Variants in C19orf47 observed in about 807,000 individuals in gnomAD.
C19orf47 encodes uncharacterized protein C19orf47.
In C19orf47, 18 loss-of-function variants were observed where a neutral mutation model predicts 32.3. That is an observed-to-expected ratio of 0.56 (90% CI 0.39 to 0.83). C19orf47 has a LOEUF of 0.83. C19orf47 is among the 40% of genes least tolerant of loss of function. The pLI, the probability that C19orf47 is intolerant of heterozygous loss-of-function variation, is 0.00. For missense variants in C19orf47, 484 were observed against 531.6 expected, an observed-to-expected ratio of 0.91 and a Z score of 0.88; for synonymous variants, 202 against 211.1, an observed-to-expected ratio of 0.96 and a Z score of 0.37.
Position 40,348,396 on chromosome 19 carries a change from T to C in C19orf47, c.-106A>G. The C allele has an allele frequency of 7.3e-7, 1 of 1,365,038 alleles. No homozygotes were observed. The highest frequency in any genetic ancestry group is 1.6e-5 in the African/African-American group (1 of 62,744). The allele number at this position is 1,365,038 out of a possible 1,614,324, so 84.6% of individuals were successfully genotyped here. On this transcript the variant is annotated 5_prime_UTR_variant, in exon 1 of 9. Transcript: ENST00000683109. ...GGCGGCGCCAACTGTCAGACACTCC[T>C]CCCCCGGCCCGGGCTGCCCGCCCCG...
chr19:40,327,562 C>T (rs1242991010), intron 6 of C19orf47, among the ~76,000 whole-genome samples: 3 of 152,054 alleles, frequency 2.0e-5, no homozygotes, highest in Non-Finnish European at 2.9e-5. Flanking sequence ...GTGGACGGGG[C>T]GTGATAGGAG....
chr19:40,312,245 A>T, the C19orf47 span, among the ~76,000 whole-genome samples: 2 of 151,246 alleles, frequency 1.3e-5, no homozygotes, highest in Non-Finnish European at 2.9e-5. Flanking sequence ...TTCCAATGCT[A>T]GGTTAGAAAA....
At chr19:40,338,579 T>C (rs1160078074) in intron 2 of C19orf47, among the ~76,000 whole-genome samples, 1 of 152,072 alleles carries the variant, frequency 6.6e-6, no homozygotes, top group African/African-American at 2.4e-5. Flanking sequence ...GAGACGGGGT[T>C]TCACCATGTT....
At chr19:40,332,497 A>G (rs1227173434) in intron 5 of C19orf47, 1 of 151,904 alleles carries the variant, frequency 6.6e-6, no homozygotes, top group Admixed American at 6.6e-5. Context: ...AAATACAAAA[A>G]TTAGCCAGGC....
downstream of C19orf47, among the ~76,000 whole-genome samples, chr19:40,317,106 T>G (rs1242079477): frequency 6.6e-6 from 1 of 152,172 alleles, no homozygotes; most frequent in African/African-American, 2.4e-5. Flanking sequence ...ACCATGTGAA[T>G]GTATTCTTAA....
chr19:40,323,920 G>A (rs1466475851), intron 8 of C19orf47, 86 bp downstream of exon 8: 1 of 1,527,190 alleles, frequency 6.5e-7, no homozygotes, highest in South Asian at 1.1e-5. Flanking sequence ...GGCCGAGTGA[G>A]GTTGAGATGT....
intron 1 of C19orf47, among the ~76,000 whole-genome samples, chr19:40,343,312 T>C (rs1264542506): frequency 6.6e-6 from 1 of 152,290 alleles, no homozygotes; most frequent in East Asian, 1.9e-4. Context: ...CTAACAGATT[T>C]TGATGGTATA....
the C19orf47 span, among the ~76,000 whole-genome samples, chr19:40,314,404 G>A: frequency 6.6e-6 from 1 of 152,158 alleles, no homozygotes; most frequent in Admixed American, 6.6e-5. Context: ...TCCAGCCTGG[G>A]CAACAAGAAC....
the C19orf47 span, among the ~76,000 whole-genome samples, chr19:40,294,053 G>T: frequency 1.6e-3 from 248 of 152,246 alleles, no homozygotes; most frequent in Non-Finnish European, 2.9e-3. Flanking sequence ...CTGTGAGGCG[G>T]AGGTTGCAGT....
chr19:40,333,258 T>TAAATAAATAAGA (rs1391405123), intron 5 of C19orf47, among the ~76,000 whole-genome samples: 24 of 135,818 alleles, frequency 1.8e-4, no homozygotes, highest in African/African-American at 6.3e-4. Flanking sequence ...CATCTCAAAA[T>TAAATAAATAAGA]AAATAAATAA....
At chr19:40,293,715 C>T in the C19orf47 span, among the ~76,000 whole-genome samples, 2,021 of 152,002 alleles carry the variant, frequency 0.013, 28 homozygotes, top group Non-Finnish European at 0.021. Context: ...CTGCCTGCCT[C>T]GGCCTCCCAA....
At chr19:40,312,335 C>T in the C19orf47 span, among the ~76,000 whole-genome samples, 1 of 151,902 alleles carries the variant, frequency 6.6e-6, no homozygotes. Flanking sequence ...ATCACGAGGT[C>T]GAGATCGAGA....
intron 4 of C19orf47, among the ~76,000 whole-genome samples, 200 bp from the exon 5 acceptor site, chr19:40,334,129 A>G (rs1300461204): frequency 1.3e-5 from 2 of 152,246 alleles, no homozygotes; most frequent in Non-Finnish European, 2.9e-5. Context: ...TCAGATATAT[A>G]TATCTGAAGT....
At chr19:40,333,475 T>C (rs189872647) in intron 5 of C19orf47, among the ~76,000 whole-genome samples, 4 of 152,136 alleles carry the variant, frequency 2.6e-5, no homozygotes, top group African/African-American at 9.6e-5. Context: ...CATTATGTAT[T>C]AACTACAGTG....
intron 4 of C19orf47, among the ~76,000 whole-genome samples, chr19:40,335,802 G>C (rs1009150304): frequency 3.3e-5 from 5 of 152,184 alleles, no homozygotes; most frequent in African/African-American, 1.2e-4. Flanking sequence ...GTACAGACGG[G>C]GTTTCACCGT....
At chr19:40,328,681 A>T (rs917982548) in intron 5 of C19orf47, 131 bp from the exon 6 acceptor site, 48 of 1,234,840 alleles carry the variant, frequency 3.9e-5, no homozygotes, top group South Asian at 7.8e-5. Flanking sequence ...ATCACCCTGT[A>T]ACTGCATGGT....
chr19:40,301,313 T>TTTTATATA, the C19orf47 span, among the ~76,000 whole-genome samples: 2 of 140,192 alleles, frequency 1.4e-5, no homozygotes, highest in Non-Finnish European at 3.1e-5. Flanking sequence ...CTTGAGAGGC[T>TTTTATATA]TTTATTTATT....
At chr19:40,342,773 A>C (rs2078202853) in intron 1 of C19orf47, among the ~76,000 whole-genome samples, 1 of 152,176 alleles carries the variant, frequency 6.6e-6, no homozygotes, top group South Asian at 2.1e-4. Context: ...TTCCAGAAGA[A>C]GGTACAGCAA....
chr19:40,294,120 CA>C, the C19orf47 span, among the ~76,000 whole-genome samples: 1 of 151,180 alleles, frequency 6.6e-6, no homozygotes, highest in Non-Finnish European at 1.5e-5. Flanking sequence ...AATCCGTCTC[CA>C]AAAAAAACGG....
Sources: gnomAD v4.1 joint callset for allele counts (sites outside exome capture counted in the v4.1 genomes callset) on GRCh38, gnomAD v4.1.1 for gene constraint, MANE v1.5 for transcripts, NCBI Gene and HGNC (gene_info 2026-07-23, HGNC 2026-07-21) for gene names.